The following PPP2R3C variants were observed in gnomAD, a reference collection of about 807,000 sequenced individuals.
The protein encoded by PPP2R3C is protein phosphatase 2 regulatory subunit B''gamma.
A neutral mutation model predicts 63.7 loss-of-function variants in PPP2R3C; 47 were observed. The observed-to-expected ratio is 0.74, with a 90% CI of 0.58 to 0.94. PPP2R3C has a LOEUF of 0.94. Ranked by LOEUF, PPP2R3C falls within the 40% of genes least tolerant of loss-of-function variation. The pLI is 0.00. For missense variants in PPP2R3C, 421 were observed against 518.4 expected, an observed-to-expected ratio of 0.81 and a Z score of 1.82; for synonymous variants, 180 against 177.4, an observed-to-expected ratio of 1.01 and a Z score of -0.12.
At chr14:35,090,465 C>T (rs1324169005) in intron 11 of PPP2R3C, among the ~76,000 whole-genome samples, 1 of 151,750 alleles carries the variant, frequency 6.6e-6, no homozygotes, top group Non-Finnish European at 1.5e-5. Flanking sequence ...GAGCTATGAT[C>T]ATGCCACTGC....
chr14:35,113,956 G>A (rs937200792), intron 2 of PPP2R3C, among the ~76,000 whole-genome samples: 2 of 151,902 alleles, frequency 1.3e-5, no homozygotes, highest in Non-Finnish European at 2.9e-5. Context: ...TTTGCATTGA[G>A]AACCCAAGAA....
upstream of PPP2R3C, chr14:35,122,026 G>GCGT (rs1479734143): frequency 1.9e-6 from 3 of 1,572,556 alleles, no homozygotes; most frequent in African/African-American, 4.1e-5. Flanking sequence ...ACCAGCTCAG[G>GCGT]CGTCAGCACC....
chr14:35,088,508 AAAAT>A lies in PPP2R3C; in HGVS notation c.1114-502_1114-499del, dbSNP rs537309038. ...CTTCCTTTTCATAAACTTTAACAAA[AAAAT>A]GAAGAAACTGCTGTCATCCAGTAGG... On this transcript the variant is annotated intron_variant, in intron 11 of 12. Coordinates refer to ENST00000261475, the MANE Select transcript of PPP2R3C (RefSeq NM_017917.4). 1.4e-3 allele frequency among the ~76,000 whole-genome samples: 217 copies of A among 152,368 alleles called. 1 individual carries two copies. The highest frequency in any genetic ancestry group is 6.8e-3 in the Middle Eastern group (2 of 294).
In PPP2R3C at chr14:35,106,640, G is replaced by A. The variant is rs1201926006; in HGVS notation, c.573+664C>T. On this transcript the variant is annotated intron_variant, in intron 6 of 12. Transcript: ENST00000261475. ...GTACAGGCCTTGGGAATACAGGCGTGAGCCACTGCACCCAGCCAATACATT... is the reference window on the plus strand; with the variant it reads ...GTACAGGCCTTGGGAATACAGGCGTAAGCCACTGCACCCAGCCAATACATT... Among the ~76,000 whole-genome samples, 4 of 147,902 alleles carry A rather than the reference G, an allele frequency of 2.7e-5. No individual in the cohort carries two copies. The Admixed American group carries it at 2.8e-4, about 10-fold the overall frequency.
chr14:35,101,820 A>G (rs151305384), intron 6 of PPP2R3C: 125 of 152,028 alleles, frequency 8.2e-4, no homozygotes, highest in African/African-American at 2.9e-3. Context: ...AGCTTTTTAT[A>G]TATTAGGGTA....
At chr14:35,104,429 TCTG>T in intron 6 of PPP2R3C, among the ~76,000 whole-genome samples, 1 of 152,200 alleles carries the variant, frequency 6.6e-6, no homozygotes, top group Non-Finnish European at 1.5e-5. Flanking sequence ...AACCCTTATA[TCTG>T]AATAATTATT....
chr14:35,095,100 T>C lies in PPP2R3C; in HGVS notation c.923A>G (p.Asn308Ser), dbSNP rs2045951715. 1.9e-6 allele frequency: 3 copies of C among 1,608,224 alleles called. No individual in the cohort carries two copies. Among genetic ancestry groups the C allele is most frequent in the Non-Finnish European group, 1.7e-6 (2 of 1,174,608 alleles). ...LSRYGTATMT[N>S]VFLDRVFQEC... ...CTGGAAAACACGGTCTAAGAAGACA[T>C]TGGTCATGGTAGCTGTTCCATAGCG... Residue 308 changes from asparagine (N) to serine (S), a missense_variant, in exon 10 of 13, where the codon AAT (asparagine) becomes AGT (serine). Coordinates refer to ENST00000261475, the MANE Select transcript of PPP2R3C (RefSeq NM_017917.4).
intron 6 of PPP2R3C, 110 bp downstream of exon 6, chr14:35,107,193 TA>T: frequency 1.3e-6 from 1 of 765,728 alleles, no homozygotes; most frequent in Non-Finnish European, 2.1e-6. Context: ...CAGACAGAAA[TA>T]AAACAAAGTA....
intron 6 of PPP2R3C, chr14:35,102,734 G>C (rs1251682788): frequency 6.6e-6 from 1 of 152,098 alleles, no homozygotes; most frequent in East Asian, 1.9e-4. Flanking sequence ...ATCATGGTAG[G>C]TGCCTAAATA....
intron 9 of PPP2R3C, 88 bp downstream of exon 9, chr14:35,096,470 A>G (rs1360230327): frequency 2.7e-6 from 3 of 1,112,664 alleles, no homozygotes; most frequent in African/African-American, 1.6e-5. Context: ...ATCTTAAGGT[A>G]TATCAGTGTA....
intron 10 of PPP2R3C, 62 bp from the exon 11 acceptor site, chr14:35,091,269 T>C: frequency 7.0e-7 from 1 of 1,430,576 alleles, no homozygotes; most frequent in Non-Finnish European, 9.4e-7. Flanking sequence ...CAAGTGAATA[T>C]CTTATGATTT....
intron 4 of PPP2R3C, among the ~76,000 whole-genome samples, chr14:35,108,565 GGTATTTATATTGTATTATATT>G (rs1020241510): frequency 6.6e-6 from 1 of 151,568 alleles, no homozygotes; most frequent in African/African-American, 2.4e-5. Flanking sequence ...ATTTGTATTG[GGTATTTATATTGTATTATATT>G]GTATTTATAT....
At chr14:35,105,618 G>A (rs1206406759) in intron 6 of PPP2R3C, among the ~76,000 whole-genome samples, 1 of 151,642 alleles carries the variant, frequency 6.6e-6, no homozygotes, top group Admixed American at 6.6e-5. Context: ...ACCCCAAAAC[G>A]GAAACATCCT....
intron 10 of PPP2R3C, among the ~76,000 whole-genome samples, chr14:35,094,561 C>T (rs772087206): frequency 6.6e-6 from 1 of 151,338 alleles, no homozygotes; most frequent in Non-Finnish European, 1.5e-5. Context: ...TTTCTATTTG[C>T]CCTGAGGCCA....
intron 9 of PPP2R3C, among the ~76,000 whole-genome samples, chr14:35,096,129 C>T (rs982513465): frequency 6.6e-5 from 10 of 151,982 alleles, no homozygotes; most frequent in Admixed American, 2.0e-4. Flanking sequence ...CTGCTTGAGC[C>T]CAGGAGTTTG....
intron 2 of PPP2R3C, among the ~76,000 whole-genome samples, chr14:35,115,086 C>T (rs1318310929): frequency 6.6e-6 from 1 of 151,752 alleles, no homozygotes; most frequent in African/African-American, 2.4e-5. Flanking sequence ...CTCCCTTCCT[C>T]ACCCTCTCAG....
chr14:35,090,304 C>A (rs976015448), intron 11 of PPP2R3C, among the ~76,000 whole-genome samples: 1 of 144,028 alleles, frequency 6.9e-6, no homozygotes, highest in Non-Finnish European at 1.5e-5. Flanking sequence ...TGCAGTGACG[C>A]GATTTCAGCT....
At position 35,096,682 on chromosome 14, in the gene PPP2R3C, A is replaced by G. The variant is rs202190428; in HGVS notation, c.762+27T>C. On this transcript the variant is annotated intron_variant, in intron 8 of 12. Transcript: ENST00000261475. ...TAGAAGATAGCAACTGTCAAGTGAT[A>G]CAATTAAGTAGTTTAAAAACATTTA... The G allele has an allele frequency of 6.8e-4, 1,099 of 1,607,534 alleles. 1 individual carries two copies. Among genetic ancestry groups the G allele is most frequent in the Non-Finnish European group, 8.7e-4 (1,025 of 1,177,232 alleles).
At chr14:35,114,289 AT>A (rs763907854) in intron 2 of PPP2R3C, among the ~76,000 whole-genome samples, 1 of 152,120 alleles carries the variant, frequency 6.6e-6, no homozygotes, top group Non-Finnish European at 1.5e-5. Flanking sequence ...GTTTAGCCAT[AT>A]TTTTTCCTTT....
Sources: allele counts gnomAD v4.1 joint callset (sites outside exome capture counted in the v4.1 genomes callset), GRCh38; gene constraint gnomAD v4.1.1; transcripts MANE v1.5; gene names NCBI Gene and HGNC (gene_info 2026-07-23, HGNC 2026-07-21).